The following CEP83 variants were observed in gnomAD, a reference collection of about 807,000 sequenced individuals.
CEP83 encodes the protein centrosomal protein of 83 kDa.
A neutral mutation model predicts 101.9 loss-of-function variants in CEP83; 70 were observed. The observed-to-expected ratio is 0.69, with a 90% CI of 0.57 to 0.84. The LOEUF (loss-of-function observed/expected upper bound fraction) is 0.84, where lower values mean the gene tolerates loss of function less well. CEP83 is among the 40% of genes least tolerant of loss of function. CEP83 has a pLI of 0.00. For missense variants in CEP83, 715 were observed against 787.2 expected (o/e 0.91, Z 1.10); for synonymous variants, 264 against 267.9 (o/e 0.99, Z 0.14).
At chr12:94,315,594 C>A (rs1420169928) in intron 14 of CEP83, among the ~76,000 whole-genome samples, 1 of 152,002 alleles carries the variant, frequency 6.6e-6, no homozygotes, top group African/African-American at 2.4e-5. Context: ...AAATCAATTA[C>A]ATCAATCATG....
intron 11 of CEP83, among the ~76,000 whole-genome samples, chr12:94,352,619 T>C (rs1211741950): frequency 1.3e-5 from 2 of 151,968 alleles, no homozygotes; most frequent in South Asian, 2.1e-4. Flanking sequence ...AAAAATGATA[T>C]GAATGAGAAA....
At chr12:94,282,284 A>G in the CEP83 span, 2 of 1,580,370 alleles carry the variant, frequency 1.3e-6, no homozygotes, top group South Asian at 1.1e-5. Context: ...AAGGAACAAA[A>G]TGCTCTTTTT....
intron 2 of CEP83, among the ~76,000 whole-genome samples, chr12:94,432,938 T>C (rs1429246933): frequency 6.6e-6 from 1 of 152,184 alleles, no homozygotes; most frequent in East Asian, 1.9e-4. Context: ...GTAGTATGAA[T>C]GGACAAGGGA....
At chr12:94,286,618 A>C in the CEP83 span, among the ~76,000 whole-genome samples, 1 of 31,402 alleles carries the variant, frequency 3.2e-5, no homozygotes, top group Non-Finnish European at 7.3e-5. Flanking sequence ...CTTAAAAGCA[A>C]AAAAAAAAAA....
At chr12:94,281,673 C>T in the CEP83 span, among the ~76,000 whole-genome samples, 5 of 152,150 alleles carry the variant, frequency 3.3e-5, no homozygotes, top group African/African-American at 7.2e-5. Flanking sequence ...CCCCTGCCTC[C>T]GCCTCCCAAA....
At chr12:94,375,304 C>G (rs1398676055) in intron 8 of CEP83, among the ~76,000 whole-genome samples, 1 of 152,112 alleles carries the variant, frequency 6.6e-6, no homozygotes, top group Non-Finnish European at 1.5e-5. Context: ...TAGGCAACAT[C>G]TAGGTGGTGA....
At chr12:94,273,995 C>T in the CEP83 span, among the ~76,000 whole-genome samples, 8,933 of 151,636 alleles carry the variant, frequency 0.059, 305 homozygotes, top group Admixed American at 0.069. Flanking sequence ...TGGCTGCCAC[C>T]GCTCCAAGCG....
At chr12:94,399,599 A>G (rs1251472462) in intron 6 of CEP83, among the ~76,000 whole-genome samples, 3 of 152,146 alleles carry the variant, frequency 2.0e-5, no homozygotes, top group Non-Finnish European at 4.4e-5. Flanking sequence ...CAGGTGAGGT[A>G]GTACATGCCT....
At chr12:94,276,319 C>T in the CEP83 span, among the ~76,000 whole-genome samples, 2 of 152,144 alleles carry the variant, frequency 1.3e-5, no homozygotes, top group Admixed American at 6.5e-5. Flanking sequence ...AAGGCAAGAC[C>T]CCAACAAGAT....
intron 8 of CEP83, among the ~76,000 whole-genome samples, chr12:94,371,124 C>G (rs1013338884): frequency 1.2e-4 from 18 of 152,306 alleles, no homozygotes; most frequent in African/African-American, 4.3e-4. Flanking sequence ...CTAAGCATTA[C>G]ATGTAGAGCA....
intron 8 of CEP83, among the ~76,000 whole-genome samples, chr12:94,374,171 G>A (rs1157869134): frequency 6.6e-6 from 1 of 151,972 alleles, no homozygotes; most frequent in Non-Finnish European, 1.5e-5. Context: ...ATAGGGAAGA[G>A]TATATATATA....
intron 11 of CEP83, among the ~76,000 whole-genome samples, chr12:94,337,658 A>C (rs929456055): frequency 5.9e-5 from 9 of 152,192 alleles, no homozygotes; most frequent in Non-Finnish European, 1.2e-4. Context: ...AACAGAAAAA[A>C]CTGCAATTAA....
chr12:94,334,171 AT>A (rs1267727709), intron 12 of CEP83, among the ~76,000 whole-genome samples: 1 of 152,082 alleles, frequency 6.6e-6, no homozygotes, highest in Non-Finnish European at 1.5e-5. Flanking sequence ...CACTCCTCAC[AT>A]TGTTTTTAAA....
At chr12:94,339,287 T>C (rs2059581445) in intron 11 of CEP83, among the ~76,000 whole-genome samples, 1 of 152,186 alleles carries the variant, frequency 6.6e-6, no homozygotes, top group Non-Finnish European at 1.5e-5. Context: ...CTAAGCCCAT[T>C]CTAAGTGTTG....
chr12:94,459,193 T>TA (rs750859515), intron 1 of CEP83, among the ~76,000 whole-genome samples: 2 of 152,224 alleles, frequency 1.3e-5, no homozygotes, highest in Non-Finnish European at 2.9e-5. Flanking sequence ...CCAAAGTATT[T>TA]AAACCCAGCA....
At position 94,430,103 on chromosome 12, in the gene CEP83, A is replaced by G. The variant is rs138604827; in HGVS notation, c.-102+5172T>C. ...TGGCCTCACCCACCCCCCATGCCAG[A>G]GCACACAATCCAGAGGCCTGGAGAT... On this transcript the variant is annotated intron_variant, in intron 2 of 16. Coordinates refer to ENST00000397809, the MANE Select transcript of CEP83 (RefSeq NM_016122.3). 3.9e-5 allele frequency among the ~76,000 whole-genome samples: 6 copies of G among 152,192 alleles called. No individual in the cohort carries two copies. In the East Asian group the frequency reaches 1.2e-3, roughly 29 times the overall value.
At chr12:94,293,429 C>G in the CEP83 span, among the ~76,000 whole-genome samples, 4 of 152,224 alleles carry the variant, frequency 2.6e-5, no homozygotes, top group African/African-American at 9.6e-5. Context: ...GTTCGGGCTG[C>G]TATAACAGAA....
intron 11 of CEP83, among the ~76,000 whole-genome samples, chr12:94,344,739 C>G (rs925346161): frequency 2.0e-5 from 3 of 152,010 alleles, no homozygotes; most frequent in African/African-American, 7.2e-5. Flanking sequence ...GTTAAGGTAA[C>G]AATTCTCCTC....
the CEP83 span, among the ~76,000 whole-genome samples, chr12:94,292,224 A>G: frequency 6.6e-6 from 1 of 152,196 alleles, no homozygotes; most frequent in Non-Finnish European, 1.5e-5. Context: ...TTTATATGAT[A>G]CCCAAGAACA....
Sources: gnomAD v4.1 joint callset for allele counts (sites outside exome capture counted in the v4.1 genomes callset) on GRCh38, gnomAD v4.1.1 for gene constraint, MANE v1.5 for transcripts, NCBI Gene and HGNC (gene_info 2026-07-23, HGNC 2026-07-21) for gene names.